Variants in ERBB4 observed in about 807,000 individuals in gnomAD.
ERBB4 encodes the protein erb-b2 receptor tyrosine kinase 4.
ERBB4 carries 42 observed loss-of-function variants against 158.0 expected under a neutral mutation model. That is an observed-to-expected ratio of 0.27 (90% CI 0.21 to 0.34). The LOEUF is 0.34. Among genes scored for constraint, ERBB4 ranks in the 10% least tolerant of loss-of-function variants. The pLI, the probability that ERBB4 is intolerant of heterozygous loss-of-function variation, is 1.00. For synonymous variants in ERBB4, 583 were observed against 558.7 expected, an observed-to-expected ratio of 1.04 and a Z score of -0.61; for missense variants, 1,333 against 1,624.1, an observed-to-expected ratio of 0.82 and a Z score of 3.08.
intron 1 of ERBB4, among the ~76,000 whole-genome samples, chr2:212,362,703 A>T (rs1168328639): frequency 6.9e-6 from 1 of 144,848 alleles, no homozygotes; most frequent in Non-Finnish European, 1.5e-5. Flanking sequence ...TATCTTTATA[A>T]AAAATAAATA....
At chr2:211,466,850 TA>T (rs1425387344) in intron 20 of ERBB4, among the ~76,000 whole-genome samples, 1 of 152,120 alleles carries the variant, frequency 6.6e-6, no homozygotes, top group East Asian at 1.9e-4. Flanking sequence ...TCCCACCTTA[TA>T]AATGGTAATA....
chr2:211,513,377 C>CAAAAAA (rs1167274491), intron 20 of ERBB4, among the ~76,000 whole-genome samples: 3 of 55,744 alleles, frequency 5.4e-5, no homozygotes, highest in African/African-American at 1.5e-4. Context: ...AAAAAAAAAA[C>CAAAAAA]AAAAAAAAAA....
intron 20 of ERBB4, among the ~76,000 whole-genome samples, chr2:211,441,568 C>T (rs1441229087): frequency 6.6e-6 from 1 of 152,088 alleles, no homozygotes. Context: ...GTTTGTTTTT[C>T]AGGACTCTTC....
intron 25 of ERBB4, among the ~76,000 whole-genome samples, chr2:211,415,982 T>C (rs1307797580): frequency 6.6e-6 from 1 of 152,234 alleles, no homozygotes. Flanking sequence ...TGCGGGTTAC[T>C]CACTTCACTA....
intron 25 of ERBB4, among the ~76,000 whole-genome samples, chr2:211,420,023 AAG>A (rs1338653217): frequency 5.9e-5 from 9 of 152,066 alleles, no homozygotes; most frequent in African/African-American, 2.2e-4. Context: ...AAATAAGTGA[AAG>A]AGATTTATAC....
intron 2 of ERBB4, among the ~76,000 whole-genome samples, chr2:212,010,903 A>C (rs1441113181): frequency 6.6e-6 from 1 of 152,094 alleles, no homozygotes; most frequent in Non-Finnish European, 1.5e-5. Context: ...TTTTAGCGAT[A>C]TCTCTCCTAC....
At chr2:211,414,273 G>T (rs1476572233) in intron 25 of ERBB4, among the ~76,000 whole-genome samples, 1 of 152,080 alleles carries the variant, frequency 6.6e-6, no homozygotes, top group Non-Finnish European at 1.5e-5. Context: ...TGAGGCGGGC[G>T]AATCACTTGA....
chr2:211,709,587 G>A (rs1170724811), intron 9 of ERBB4, among the ~76,000 whole-genome samples: 3 of 152,012 alleles, frequency 2.0e-5, no homozygotes, highest in Non-Finnish European at 2.9e-5. Context: ...AGCTGTTTCA[G>A]TTGTAACAGA....
intron 7 of ERBB4, among the ~76,000 whole-genome samples, chr2:211,716,969 C>T (rs2073939335): frequency 6.6e-6 from 1 of 152,172 alleles, no homozygotes; most frequent in Non-Finnish European, 1.5e-5. Context: ...CCACTTACTA[C>T]AGTTTGGAGT....
chr2:212,101,352 T>TATATACATATATAC (rs1553558283), intron 2 of ERBB4, among the ~76,000 whole-genome samples: 5 of 139,958 alleles, frequency 3.6e-5, no homozygotes, highest in African/African-American at 1.5e-4. Context: ...ACCCTATACA[T>TATATACATATATAC]ATATATATAT....
At position 212,060,959 on chromosome 2, in the gene ERBB4, TAATAAATAAATA is replaced by T. The variant is rs58630259; in HGVS notation, c.234+63781_234+63792del. The stretch of plus-strand genomic sequence containing the variant: ...ACGTACCCTAAAACTTAAAGTATGA[TAATAAATAAATA>T]AATAAATAAATAAATAAATAAAATA... On this transcript the variant is annotated intron_variant, in intron 2 of 27. Transcript: ENST00000342788. Among the ~76,000 whole-genome samples, 15 of 145,878 alleles carry T rather than the reference TAATAAATAAATA, an allele frequency of 1.0e-4. No homozygotes were observed. The South Asian group carries it at 1.7e-3, about 17-fold the overall frequency.
At chr2:211,562,156 G>T in intron 19 of ERBB4, 68 bp from the exon 20 acceptor site, 3 of 1,311,522 alleles carry the variant, frequency 2.3e-6, no homozygotes, top group Non-Finnish European at 3.3e-6. Flanking sequence ...TACTTGGATT[G>T]TACTAATGGT....
intron 2 of ERBB4, among the ~76,000 whole-genome samples, chr2:212,122,562 G>A (rs2079789835): frequency 6.6e-6 from 1 of 152,024 alleles, no homozygotes; most frequent in Non-Finnish European, 1.5e-5. Context: ...TTTTTATCCA[G>A]GCAGAAATCT....
chr2:211,667,331 G>C (rs2071669750), intron 14 of ERBB4, among the ~76,000 whole-genome samples: 1 of 151,308 alleles, frequency 6.6e-6, no homozygotes, highest in African/African-American at 2.4e-5. Flanking sequence ...CGTGTGAATA[G>C]AAGTATAAAG....
chr2:211,573,746 A>G (rs1341803351), intron 19 of ERBB4, among the ~76,000 whole-genome samples: 8 of 152,164 alleles, frequency 5.3e-5, no homozygotes, highest in South Asian at 2.1e-4. Flanking sequence ...AACAATTACA[A>G]TTACTGTATT....
intron 1 of ERBB4, among the ~76,000 whole-genome samples, chr2:212,474,164 T>C (rs1052976279): frequency 6.6e-6 from 1 of 152,076 alleles, no homozygotes; most frequent in Non-Finnish European, 1.5e-5. Context: ...CAGAAGCCAA[T>C]TAATGGACCA....
intron 1 of ERBB4, among the ~76,000 whole-genome samples, chr2:212,163,155 C>A (rs943774802): frequency 6.6e-6 from 1 of 151,930 alleles, no homozygotes; most frequent in Non-Finnish European, 1.5e-5. Flanking sequence ...TCCTGTCCAT[C>A]AAATTTAATA....
chr2:211,993,664 A>G (rs1213065701), intron 2 of ERBB4, among the ~76,000 whole-genome samples: 1 of 151,918 alleles, frequency 6.6e-6, no homozygotes, highest in Non-Finnish European at 1.5e-5. Flanking sequence ...AACTCCAAGC[A>G]TACTATAATT....
intron 19 of ERBB4, among the ~76,000 whole-genome samples, chr2:211,593,689 C>T (rs2068543077): frequency 6.6e-6 from 1 of 152,174 alleles, no homozygotes; most frequent in African/African-American, 2.4e-5. Flanking sequence ...CCCCTAATTA[C>T]ATAGTTAATG....
Sources: gnomAD v4.1 joint callset for allele counts (sites outside exome capture counted in the v4.1 genomes callset) on GRCh38, gnomAD v4.1.1 for gene constraint, MANE v1.5 for transcripts, NCBI Gene and HGNC (gene_info 2026-07-23, HGNC 2026-07-21) for gene names.